The following VEGFD variants were observed in gnomAD, a reference collection of about 807,000 sequenced individuals.
VEGFD encodes vascular endothelial growth factor D.
Under a neutral mutation model 28.0 loss-of-function variants are expected in VEGFD, and 26 were observed. The observed-to-expected ratio is 0.93, with a 90% CI of 0.68 to 1.29. VEGFD has a LOEUF of 1.29. VEGFD is among the 50% of genes most tolerant of loss of function. The probability of loss-of-function intolerance (pLI) is 0.00; values close to 1 mark genes in which losing one functional copy is unlikely to be tolerated. For synonymous variants in VEGFD, 93 were observed against 95.5 expected (o/e 0.97, Z 0.15); for missense variants, 294 against 273.4 (o/e 1.08, Z -0.53).
intron 5 of VEGFD, among the ~76,000 whole-genome samples, chrX:15,351,123 T>C (rs1310057201): frequency 2.2e-5 from 2 of 89,917 alleles, no homozygotes; most frequent in South Asian, 5.9e-4. Context: ...TTTTTTTTTT[T>C]TTCTTTTTTT....
rs1308039026 is a variant in VEGFD, at chrX:15,357,891, C to T, written c.492+112G>A. The T allele has an allele frequency of 3.7e-5, 24 of 640,628 alleles. No homozygotes were observed. The South Asian group carries it at 4.6e-4, about 12-fold the overall frequency. The allele number at this position is 640,628 out of a possible 1,213,427, so 52.8% of individuals were successfully genotyped here. ...CTTGATTTGTTTCAAAGATTAAATG[C>T]GATTATGCACATAAAGCATTTAGTA... On this transcript the variant is annotated intron_variant, in intron 3 of 6. Transcript: ENST00000297904.
chrX:15,368,278 A>G (rs755432362), intron 1 of VEGFD, among the ~76,000 whole-genome samples: 10 of 112,208 alleles, frequency 8.9e-5, no homozygotes, highest in Non-Finnish European at 1.9e-4. Context: ...TCCAACTGTG[A>G]GAACTCAGGA....
At chrX:15,357,967 G>A in intron 3 of VEGFD, 36 bp downstream of exon 3, 4 of 1,158,334 alleles carry the variant, frequency 3.5e-6, no homozygotes, top group Non-Finnish European at 4.7e-6. Flanking sequence ...TATCATCAGG[G>A]CTTTAGAGAC....
intron 1 of VEGFD, among the ~76,000 whole-genome samples, chrX:15,365,892 T>C (rs980116249): frequency 1.8e-5 from 2 of 112,224 alleles, no homozygotes; most frequent in Admixed American, 9.4e-5. Context: ...TAGAGTTTAC[T>C]TTGTTAAGGT....
At chrX:15,379,677 A>G (rs1923520452) in intron 1 of VEGFD, among the ~76,000 whole-genome samples, 1 of 112,122 alleles carries the variant, frequency 8.9e-6, no homozygotes, top group South Asian at 3.7e-4. Context: ...GAGCCTAGAA[A>G]TGTTCTCAGA....
intron 5 of VEGFD, among the ~76,000 whole-genome samples, chrX:15,351,366 G>A (rs1274460490): frequency 1.1e-3 from 114 of 107,255 alleles, no homozygotes; most frequent in Middle Eastern, 4.8e-3. Flanking sequence ...TGATCCGCCC[G>A]CCTCGGCCTC....
chrX:15,350,827 T>C (rs763396602), intron 5 of VEGFD, among the ~76,000 whole-genome samples: 24 of 86,505 alleles, frequency 2.8e-4, no homozygotes, highest in African/African-American at 1.1e-3. Context: ...CTCTCTCTCT[T>C]TCTTTTCTTT....
intron 2 of VEGFD, among the ~76,000 whole-genome samples, chrX:15,360,341 CTT>C (rs766015755): frequency 5.2e-5 from 5 of 96,772 alleles, no homozygotes; most frequent in South Asian, 4.6e-4. Context: ...TCCTGAGAAA[CTT>C]TTTTTTTTTT....
At position 15,347,377 on chromosome X, in the gene VEGFD, C is replaced by CGT. The variant is rs1254230313; in HGVS notation, c.743-20_743-19dup. 2.6e-6 allele frequency: 3 copies of CGT among 1,164,726 alleles called. No individual in the cohort carries two copies. In the East Asian group the frequency reaches 9.0e-5, roughly 35 times the overall value. On this transcript the variant is annotated intron_variant, in intron 5 of 6. Coordinates refer to ENST00000297904, the MANE Select transcript of VEGFD (RefSeq NM_004469.5). ...AGAGTGGTCTAAAGAGAAACAGAAACGTGTTGGTCAGATAGTTGTAGTGTG... is the reference window on the plus strand; with the variant it reads ...AGAGTGGTCTAAAGAGAAACAGAAACGTGTGTTGGTCAGATAGTTGTAGTGTG...
chrX:15,350,297 A>G (rs1269059884), intron 5 of VEGFD, among the ~76,000 whole-genome samples: 1 of 111,283 alleles, frequency 9.0e-6, no homozygotes, highest in Non-Finnish European at 1.9e-5. Context: ...CTGAGTGCTC[A>G]TATACCCGCT....
At chrX:15,351,927 G>T (rs184105856) in intron 5 of VEGFD, among the ~76,000 whole-genome samples, 93 of 112,168 alleles carry the variant, frequency 8.3e-4, no homozygotes, top group African/African-American at 2.8e-3. Flanking sequence ...TGGGCAGTCT[G>T]GTCTGTTCTG....
intron 1 of VEGFD, among the ~76,000 whole-genome samples, chrX:15,368,027 A>AAAGAAAGAAAGAAAGAAAGAAAGG (rs1346653041): frequency 7.2e-5 from 6 of 83,070 alleles, no homozygotes; most frequent in Admixed American, 1.3e-4. Context: ...AGAAAGAAAG[A>AAAGAAAGAAAGAAAGAAAGAAAGG]AAGGAAAGAA....
intron 4 of VEGFD, among the ~76,000 whole-genome samples, chrX:15,353,744 A>C (rs974327660): frequency 2.6e-4 from 29 of 110,589 alleles, no homozygotes; most frequent in Non-Finnish European, 1.5e-4. Context: ...CCGTCTCAAA[A>C]AAAAAAAAGA....
intron 1 of VEGFD, among the ~76,000 whole-genome samples, chrX:15,365,389 G>A (rs774983817): frequency 5.9e-4 from 66 of 111,999 alleles, no homozygotes; most frequent in African/African-American, 2.1e-3. Flanking sequence ...CGCCTTGGCC[G>A]CCCAAAGTGT....
chrX:15,347,708 C>A (rs1006943413), intron 5 of VEGFD, among the ~76,000 whole-genome samples: 4 of 111,978 alleles, frequency 3.6e-5, no homozygotes, highest in African/African-American at 1.3e-4. Context: ...GGTTATGAAT[C>A]TAGCTGTCTC....
chrX:15,363,135 G>T lies in VEGFD; in HGVS notation c.275C>A (p.Thr92Asn). The T allele has an allele frequency of 1.7e-6, 2 of 1,211,241 alleles. No individual in the cohort carries two copies. The highest frequency in any genetic ancestry group is 1.7e-5 in the African/African-American group (1 of 57,639). ...ASHRSTRFAATFYDIETLKVI... is the reference protein window; with the variant it reads ...ASHRSTRFAANFYDIETLKVI... ...TTTTAGTGTTTCAATGTCATAGAAA[G>T]TTGCCGCAAACCTAGTGGACCGATG... is the stretch of plus-strand genomic sequence containing the variant. Residue 92 changes from threonine to asparagine, a missense_variant, in exon 2 of 7, where the codon ACT becomes AAT. Physicochemically the swap from Thr to Asn is moderately conservative, Grantham distance 65. Transcript: ENST00000297904.
At chrX:15,349,833 T>C (rs1922645220) in intron 5 of VEGFD, among the ~76,000 whole-genome samples, 1 of 111,445 alleles carries the variant, frequency 9.0e-6, no homozygotes, top group Non-Finnish European at 1.9e-5. Flanking sequence ...AGCAGTAAGC[T>C]CAGTAAATCC....
intron 5 of VEGFD, among the ~76,000 whole-genome samples, chrX:15,347,746 G>T (rs1018218262): frequency 8.9e-6 from 1 of 111,982 alleles, no homozygotes; most frequent in Admixed American, 9.5e-5. Flanking sequence ...TAAAAGGAGA[G>T]ACACACAAAA....
At chrX:15,383,339 GA>G (rs1569189737) in intron 1 of VEGFD, among the ~76,000 whole-genome samples, 1 of 111,861 alleles carries the variant, frequency 8.9e-6, no homozygotes, top group Non-Finnish European at 1.9e-5. Context: ...TTCAAGAAGC[GA>G]AAAAACCAAA....
Sources: gnomAD v4.1 joint callset for allele counts (sites outside exome capture counted in the v4.1 genomes callset) on GRCh38, gnomAD v4.1.1 for gene constraint, MANE v1.5 for transcripts, NCBI Gene and HGNC (gene_info 2026-07-23, HGNC 2026-07-21) for gene names.